IPO11: variants seen among roughly 807,000 people sequenced by gnomAD.
The protein encoded by IPO11 is importin 11.
A neutral mutation model predicts 143.2 loss-of-function variants in IPO11; 66 were observed. The ratio of observed to expected loss-of-function variants is 0.46; its 90% CI spans 0.38 to 0.57. IPO11 has a LOEUF of 0.57. IPO11 is among the 20% of genes least tolerant of loss of function. IPO11 has a pLI of 0.00. For missense variants in IPO11, 1,026 were observed against 1,141.0 expected, an observed-to-expected ratio of 0.90 and a Z score of 1.45; for synonymous variants, 385 against 377.8, an observed-to-expected ratio of 1.02 and a Z score of -0.22.
Position 62,561,069 on chromosome 5 carries a change from TA to T in IPO11, c.2461-63del. 2.8e-6 allele frequency: 4 copies of T among 1,410,646 alleles called. No individual in the cohort carries two copies. The South Asian group carries it at 4.2e-5, about 15-fold the overall frequency. The allele number at this position is 1,410,646 out of a possible 1,614,324, so 87.4% of individuals were successfully genotyped here. A position where few individuals can be genotyped will look rare whatever the true frequency, so the allele number is the denominator to read the frequency against. ...CCATGACTTATGAGGCTTTAGCCTT[TA>T]AAAGTATTTACCCACAAGTAAAACA... On this transcript the variant is annotated intron_variant, in intron 26 of 29. Coordinates refer to ENST00000325324, the MANE Select transcript of IPO11 (RefSeq NM_016338.5).
At chr5:62,580,872 T>A in intron 27 of IPO11, 1 of 1,551,434 alleles carries the variant, frequency 6.4e-7, no homozygotes, top group Non-Finnish European at 8.7e-7. Context: ...CATTAGAGAC[T>A]ACAGCAGTGT....
At chr5:62,583,875 TTCTCTACCATTTACTACAGGTTCTTA>T (rs1203114658) in intron 27 of IPO11, among the ~76,000 whole-genome samples, 1 of 152,192 alleles carries the variant, frequency 6.6e-6, no homozygotes, top group Non-Finnish European at 1.5e-5. Context: ...ATTTCTGTAT[TTCTCTACCATTTACTACAGGTTCTTA>T]TCTCTACCAT....
At chr5:62,480,425 T>G (rs1287447556) in intron 9 of IPO11, among the ~76,000 whole-genome samples, 1 of 152,084 alleles carries the variant, frequency 6.6e-6, no homozygotes, top group Non-Finnish European at 1.5e-5. Flanking sequence ...AATGCGGGCT[T>G]TTTTTTGGTT....
In IPO11 at chr5:62,551,830, T is replaced by G. The variant is rs115316675; in HGVS notation, c.2460+494T>G. On this transcript the variant is annotated intron_variant, in intron 26 of 29. Coordinates refer to ENST00000325324, the MANE Select transcript of IPO11 (RefSeq NM_016338.5). ...GGAATAGGTTTTTTAGTGAGGTGAT[T>G]TAAGACTATATATGGCCAGGTGCGG... Among the ~76,000 whole-genome samples the G allele has an allele frequency of 8.4e-3, 1,279 of 152,274 alleles. 23 individuals carry two copies. The highest frequency in any genetic ancestry group is 0.03 in the African/African-American group (1,240 of 41,562).
chr5:62,451,671 C>T, intron 4 of IPO11, 59 bp from the exon 5 acceptor site: 3 of 1,249,282 alleles, frequency 2.4e-6, no homozygotes, highest in African/African-American at 1.5e-5. Context: ...TGATTTGTCA[C>T]CGTGAATGCA....
At chr5:62,477,086 A>G (rs2112211436) in intron 9 of IPO11, among the ~76,000 whole-genome samples, 1 of 152,334 alleles carries the variant, frequency 6.6e-6, no homozygotes, top group South Asian at 2.1e-4. Flanking sequence ...TTCAGCTAGA[A>G]GTAGATCAAA....
chr5:62,495,206 A>G (rs546315961), intron 16 of IPO11, among the ~76,000 whole-genome samples: 1 of 152,352 alleles, frequency 6.6e-6, no homozygotes, highest in South Asian at 2.1e-4. Context: ...AAGTTACAAG[A>G]GAGCCTTGTG....
At chr5:62,483,949 A>G in intron 10 of IPO11, 61 bp from the exon 11 acceptor site, 3 of 1,371,068 alleles carry the variant, frequency 2.2e-6, no homozygotes, top group Admixed American at 2.4e-5. Context: ...TTTAAGTTAC[A>G]TAATCCAATG....
At chr5:62,582,988 A>C (rs1744626241) in intron 27 of IPO11, among the ~76,000 whole-genome samples, 1 of 152,130 alleles carries the variant, frequency 6.6e-6, no homozygotes, top group East Asian at 1.9e-4. Flanking sequence ...ACCAACCCCA[A>C]AGGGTTTTCA....
Position 62,468,227 on chromosome 5 carries a change from C to T in IPO11, c.649+964C>T, listed in dbSNP as rs1745634860. On this transcript the variant is annotated intron_variant, in intron 6 of 29. Transcript: ENST00000325324. ...ACTGTGCCTGGCCTAGTTTGTTTTT[C>T]TTAGTTTGATCTCAGGCAGCATCAG... is the stretch of plus-strand genomic sequence containing the variant. 2.0e-5 allele frequency among the ~76,000 whole-genome samples: 3 copies of T among 152,124 alleles called. No homozygotes were observed. In the South Asian group the frequency reaches 6.2e-4, roughly 32 times the overall value.
rs571205045 is a variant in IPO11, at chr5:62,420,162, A to T, written c.-7+7233A>T. 3.8e-4 allele frequency among the ~76,000 whole-genome samples: 58 copies of T among 151,962 alleles called. 1 individual carries two copies. Among genetic ancestry groups the T allele is most frequent in the African/African-American group, 1.4e-3 (56 of 41,454 alleles). ...AAAAATTAGCCAGGCGTGGTGGCAC[A>T]CACCTGTAATCCCAGCTACTTGGGA... On this transcript the variant is annotated intron_variant, in intron 1 of 29. Transcript: ENST00000325324.
intron 24 of IPO11, among the ~76,000 whole-genome samples, chr5:62,540,831 A>G (rs553687210): frequency 1.0e-3 from 157 of 152,348 alleles, no homozygotes; most frequent in African/African-American, 3.6e-3. Flanking sequence ...TTTATGTAAT[A>G]TATAGCTGTC....
At chr5:62,426,528 C>T (rs918141083) in intron 1 of IPO11, among the ~76,000 whole-genome samples, 11 of 152,032 alleles carry the variant, frequency 7.2e-5, no homozygotes, top group African/African-American at 2.4e-4. Flanking sequence ...AAGAGAAATA[C>T]GTAATGATTT....
In IPO11 at chr5:62,497,510, C is replaced by T. The variant is rs572778235; in HGVS notation, c.1590+3386C>T. 5.7e-4 allele frequency among the ~76,000 whole-genome samples: 86 copies of T among 152,176 alleles called. No homozygotes were observed. The South Asian group carries it at 6.4e-3, about 11-fold the overall frequency. Reference sequence around the variant, plus strand: ...TGAGACAAGGTCTCACTTTGTTGCCCAGGCTAGACTGCTATGGTGAGGTCA... The same window carrying T: ...TGAGACAAGGTCTCACTTTGTTGCCTAGGCTAGACTGCTATGGTGAGGTCA... On this transcript the variant is annotated intron_variant, in intron 16 of 29. Transcript: ENST00000325324.
At chr5:62,543,583 T>G (rs1743039823) in intron 24 of IPO11, among the ~76,000 whole-genome samples, 1 of 152,204 alleles carries the variant, frequency 6.6e-6, no homozygotes, top group Non-Finnish European at 1.5e-5. Context: ...TCTTTTCTTC[T>G]TTATTAGTCT....
chr5:62,556,274 G>A (rs1393726631), intron 26 of IPO11, among the ~76,000 whole-genome samples: 1 of 152,158 alleles, frequency 6.6e-6, no homozygotes, highest in Non-Finnish European at 1.5e-5. Flanking sequence ...GCAGTGAGCT[G>A]AGATTGCACC....
chr5:62,514,097 C>T (rs1207177412), intron 19 of IPO11, among the ~76,000 whole-genome samples: 3 of 151,204 alleles, frequency 2.0e-5, no homozygotes, highest in African/African-American at 7.3e-5. Flanking sequence ...AGACGCTCCT[C>T]ACTTTCCAGA....
chr5:62,597,648 GAA>G (rs1219359690), intron 28 of IPO11, among the ~76,000 whole-genome samples: 1 of 152,202 alleles, frequency 6.6e-6, no homozygotes, highest in Non-Finnish European at 1.5e-5. Flanking sequence ...TACTGTGTAC[GAA>G]GAGACCTTCA....
In IPO11 at chr5:62,485,742, C is replaced by T. The variant is rs114975849; in HGVS notation, c.1218+280C>T. Among the ~76,000 whole-genome samples the T allele has an allele frequency of 5.0e-3, 762 of 151,358 alleles. 7 individuals carry two copies. Among genetic ancestry groups the T allele is most frequent in the African/African-American group, 0.017 (718 of 41,248 alleles). On this transcript the variant is annotated intron_variant, in intron 12 of 29. Transcript: ENST00000325324. ...GCGCATACCTGTAGTCCCAACTCTT[C>T]AGGAATCTGAGGCAGGAGGATTGTT...
Sources: gnomAD v4.1 joint callset for allele counts (sites outside exome capture counted in the v4.1 genomes callset) on GRCh38, gnomAD v4.1.1 for gene constraint, MANE v1.5 for transcripts, NCBI Gene and HGNC (gene_info 2026-07-23, HGNC 2026-07-21) for gene names.